Variants in DLG2 observed in about 807,000 individuals in gnomAD.
The protein encoded by DLG2 is disks large homolog 2.
A neutral mutation model predicts 132.5 loss-of-function variants in DLG2; 45 were observed. The ratio of observed to expected loss-of-function variants is 0.34; its 90% CI spans 0.27 to 0.44. DLG2 has a LOEUF of 0.44. DLG2 is among the 20% of genes least tolerant of loss of function. The probability of loss-of-function intolerance (pLI) is 1.00; values close to 1 mark genes in which losing one functional copy is unlikely to be tolerated. For synonymous variants in DLG2, 424 were observed against 419.6 expected (o/e 1.01, Z -0.13); for missense variants, 1,045 against 1,196.9 (o/e 0.87, Z 1.87).
intron 6 of DLG2, among the ~76,000 whole-genome samples, chr11:84,810,043 C>T (rs1341846069): frequency 1.1e-4 from 16 of 151,926 alleles, no homozygotes; most frequent in Non-Finnish European, 1.9e-4. Context: ...AAATCTCAAC[C>T]TAAATCTTAT....
chr11:84,606,464 T>C (rs961610096), intron 6 of DLG2, among the ~76,000 whole-genome samples: 1 of 152,168 alleles, frequency 6.6e-6, no homozygotes, highest in African/African-American at 2.4e-5. Context: ...CTATAAACTT[T>C]CCTATGCTTT....
intron 6 of DLG2, among the ~76,000 whole-genome samples, chr11:84,562,540 A>G (rs1486334066): frequency 6.6e-6 from 1 of 152,050 alleles, no homozygotes; most frequent in South Asian, 2.1e-4. Flanking sequence ...TGTTTGTGTC[A>G]TTTGTTTAAA....
chr11:83,798,163 G>C (rs2043342357), intron 17 of DLG2, among the ~76,000 whole-genome samples: 1 of 152,178 alleles, frequency 6.6e-6, no homozygotes, highest in Admixed American at 6.5e-5. Flanking sequence ...GCAGTGTCCT[G>C]GGAAGAATAC....
intron 3 of DLG2, among the ~76,000 whole-genome samples, chr11:85,464,159 A>G (rs780962560): frequency 5.3e-5 from 8 of 152,282 alleles, no homozygotes; most frequent in Middle Eastern, 3.4e-3. Context: ...CCAACACTAC[A>G]TCATGGTGCA....
intron 6 of DLG2, among the ~76,000 whole-genome samples, chr11:84,742,351 C>T (rs895117129): frequency 6.6e-6 from 1 of 152,102 alleles, no homozygotes; most frequent in African/African-American, 2.4e-5. Context: ...ACATTGTAGT[C>T]TAATTGTCAA....
intron 7 of DLG2, among the ~76,000 whole-genome samples, chr11:84,300,973 A>C (rs536520010): frequency 6.6e-6 from 1 of 152,272 alleles, no homozygotes; most frequent in South Asian, 2.1e-4. Flanking sequence ...TTATTAACCT[A>C]GTGTTTTGTC....
intron 7 of DLG2, among the ~76,000 whole-genome samples, chr11:84,377,057 C>T (rs191611850): frequency 1.7e-4 from 26 of 152,104 alleles, no homozygotes; most frequent in African/African-American, 5.8e-4. Context: ...TAAATTTCAA[C>T]ATCACTAAAA....
chr11:84,418,711 A>G (rs2098938252), intron 7 of DLG2, among the ~76,000 whole-genome samples: 1 of 152,160 alleles, frequency 6.6e-6, no homozygotes, highest in Admixed American at 6.6e-5. Flanking sequence ...TCCTTCCCAG[A>G]TGCAACTGTT....
chr11:83,764,468 G>A (rs2094051811), intron 18 of DLG2, among the ~76,000 whole-genome samples: 1 of 152,214 alleles, frequency 6.6e-6, no homozygotes. Context: ...GGGTGTGCAG[G>A]GAAGGGAGAA....
chr11:84,884,063 T>C (rs180991003), intron 6 of DLG2, among the ~76,000 whole-genome samples: 1 of 152,236 alleles, frequency 6.6e-6, no homozygotes, highest in Admixed American at 6.6e-5. Flanking sequence ...AAATAAAGGA[T>C]TCTAAGCTAC....
chr11:84,224,342 A>T (rs1014099918), intron 8 of DLG2, among the ~76,000 whole-genome samples: 1 of 152,200 alleles, frequency 6.6e-6, no homozygotes, highest in Non-Finnish European at 1.5e-5. Context: ...CAGCCTGACA[A>T]ACCTCCTAAG....
At position 85,065,413 on chromosome 11, in the gene DLG2, G is replaced by C. The variant is rs907177360; in HGVS notation, c.357+46248C>G. Among the ~76,000 whole-genome samples, 5 of 151,410 alleles carry C rather than the reference G, an allele frequency of 3.3e-5. No individual in the cohort carries two copies. The East Asian group carries it at 9.8e-4, about 30-fold the overall frequency. ...CTAGAAACCCACAGGCATGGTAAGA[G>C]TCTTCATCATTTCACAGAGGAGGAT... On this transcript the variant is annotated intron_variant, in intron 6 of 27. Coordinates refer to ENST00000376104, the MANE Select transcript of DLG2 (RefSeq NM_001142699.3).
chr11:84,246,462 A>G (rs2097303468), intron 8 of DLG2, among the ~76,000 whole-genome samples: 1 of 152,196 alleles, frequency 6.6e-6, no homozygotes, highest in Non-Finnish European at 1.5e-5. Flanking sequence ...AAAGCACAAG[A>G]ATAGTGATGC....
chr11:84,823,581 C>CCACA (rs60714512), intron 6 of DLG2, among the ~76,000 whole-genome samples: 2,647 of 134,442 alleles, frequency 0.02, 42 homozygotes, highest in East Asian at 0.046. Context: ...GGTTGTATAT[C>CCACA]CACACACACA....
chr11:85,455,081 G>A (rs755425738), intron 3 of DLG2, among the ~76,000 whole-genome samples: 1 of 152,076 alleles, frequency 6.6e-6, no homozygotes, highest in Non-Finnish European at 1.5e-5. Context: ...TAGTTTGATA[G>A]GAATAGCATT....
At chr11:84,231,016 T>C (rs1005428921) in intron 8 of DLG2, among the ~76,000 whole-genome samples, 3 of 152,206 alleles carry the variant, frequency 2.0e-5, no homozygotes, top group East Asian at 1.9e-4. Context: ...TTAGAAATTG[T>C]TACCCTGCTA....
chr11:84,191,518 C>T (rs1404830093), intron 8 of DLG2, among the ~76,000 whole-genome samples: 3 of 152,292 alleles, frequency 2.0e-5, no homozygotes, highest in South Asian at 2.1e-4. Context: ...AAACAAACCT[C>T]GCCCAAACTT....
intron 7 of DLG2, among the ~76,000 whole-genome samples, chr11:84,525,642 C>T (rs1055467513): frequency 4.6e-5 from 7 of 152,108 alleles, no homozygotes; most frequent in Admixed American, 2.0e-4. Context: ...ACATGAATAA[C>T]GGTCTAATTT....
At chr11:84,297,789 CCTT>C (rs1599337481) in intron 7 of DLG2, among the ~76,000 whole-genome samples, 1 of 152,132 alleles carries the variant, frequency 6.6e-6, no homozygotes, top group Middle Eastern at 3.4e-3. Flanking sequence ...CTATTCTCAG[CCTT>C]CTTCTTGACA....
Sources: allele counts gnomAD v4.1 joint callset (sites outside exome capture counted in the v4.1 genomes callset), GRCh38; gene constraint gnomAD v4.1.1; transcripts MANE v1.5; gene names NCBI Gene and HGNC (gene_info 2026-07-23, HGNC 2026-07-21).